KIAA1549L: variants seen among roughly 807,000 people sequenced by gnomAD.
KIAA1549L encodes KIAA1549 like, also known as UPF0606 protein KIAA1549L.
Under a neutral mutation model 160.7 loss-of-function variants are expected in KIAA1549L, and 88 were observed. The ratio of observed to expected loss-of-function variants is 0.55; its 90% CI spans 0.46 to 0.65. The LOEUF is 0.65. KIAA1549L is among the 30% of genes least tolerant of loss of function. The probability of loss-of-function intolerance (pLI) is 0.00; values close to 1 mark genes in which losing one functional copy is unlikely to be tolerated. For missense variants in KIAA1549L, 2,258 were observed against 2,437.5 expected (o/e 0.93, Z 1.55); for synonymous variants, 950 against 976.7 (o/e 0.97, Z 0.51).
At chr11:33,409,779 T>C (rs996687332) in intron 1 of KIAA1549L, among the ~76,000 whole-genome samples, 2 of 151,858 alleles carry the variant, frequency 1.3e-5, no homozygotes, top group Non-Finnish European at 2.9e-5. Flanking sequence ...TTTTTTTTTT[T>C]TTTTTCCTGC....
At chr11:33,528,863 G>A (rs758015448) in intron 1 of KIAA1549L, among the ~76,000 whole-genome samples, 1 of 152,208 alleles carries the variant, frequency 6.6e-6, no homozygotes, top group Admixed American at 6.5e-5. Flanking sequence ...AAGACTACAC[G>A]TTGGGTACAG....
chr11:33,455,948 G>A (rs1216047902), intron 1 of KIAA1549L, among the ~76,000 whole-genome samples: 1 of 152,116 alleles, frequency 6.6e-6, no homozygotes, highest in Non-Finnish European at 1.5e-5. Context: ...TAAATTACCC[G>A]GGGAGGAAGT....
At chr11:33,653,661 A>T (rs1228798592) in intron 17 of KIAA1549L, among the ~76,000 whole-genome samples, 1 of 152,126 alleles carries the variant, frequency 6.6e-6, no homozygotes, top group Non-Finnish European at 1.5e-5. Flanking sequence ...GCTTCTTCAA[A>T]TACTGCCTTG....
chr11:33,499,323 G>C (rs1292695707), intron 1 of KIAA1549L, among the ~76,000 whole-genome samples: 1 of 152,172 alleles, frequency 6.6e-6, no homozygotes, highest in Non-Finnish European at 1.5e-5. Flanking sequence ...GCGTGAGGTG[G>C]CATCCTTCAC....
intron 1 of KIAA1549L, among the ~76,000 whole-genome samples, chr11:33,427,887 A>G (rs1590236637): frequency 6.6e-6 from 1 of 152,234 alleles, no homozygotes; most frequent in Non-Finnish European, 1.5e-5. Flanking sequence ...CAATATGTGA[A>G]CTTAATTCAT....
chr11:33,491,049 G>A (rs1852646378), intron 1 of KIAA1549L, among the ~76,000 whole-genome samples: 1 of 152,184 alleles, frequency 6.6e-6, no homozygotes, highest in Non-Finnish European at 1.5e-5. Flanking sequence ...AATGGTATAA[G>A]TGTCTGTCTC....
rs1401825040 is a variant in KIAA1549L, at chr11:33,544,188, C to T, written c.2625C>T (p.Ile875=). 1 of 1,613,902 alleles carries T rather than the reference C, an allele frequency of 6.2e-7. No homozygotes were observed. The highest frequency in any genetic ancestry group is 2.2e-5 in the East Asian group (1 of 44,902). The part of the protein sequence containing the change: ...TDTGSEISSD[I]NSSPERNAST... Reference sequence around the variant, plus strand: ...CAGGTTCTGAAATTTCCAGTGACATCAATTCATCACCTGAGAGAAATGCTT... The same window carrying T: ...CAGGTTCTGAAATTTCCAGTGACATTAATTCATCACCTGAGAGAAATGCTT... Residue 875 remains isoleucine (I), a synonymous_variant, in exon 2 of 21, where the codon ATC becomes ATT. Transcript: ENST00000658780.
intron 16 of KIAA1549L, among the ~76,000 whole-genome samples, chr11:33,623,882 T>A (rs1219455054): frequency 6.6e-6 from 1 of 152,192 alleles, no homozygotes; most frequent in Admixed American, 6.5e-5. Flanking sequence ...TCAAGTGCTA[T>A]CTGCCTGCAT....
rs191707985 is a variant in KIAA1549L, at chr11:33,505,562, C to G, written c.239-36240C>G. ...CTCCACTCCTGCCCTGGCCTCTCCC[C>G]ATTTCCCTCTTACTATCTTCTGTTC... is the stretch of plus-strand genomic sequence containing the variant. On this transcript the variant is annotated intron_variant, in intron 1 of 20. Transcript: ENST00000658780. 7.9e-5 allele frequency among the ~76,000 whole-genome samples: 12 copies of G among 152,322 alleles called. No individual in the cohort carries two copies. The South Asian group carries it at 8.3e-4, about 11-fold the overall frequency.
intron 1 of KIAA1549L, among the ~76,000 whole-genome samples, chr11:33,480,619 G>A (rs565941588): frequency 2.6e-4 from 40 of 152,182 alleles, no homozygotes; most frequent in Non-Finnish European, 3.4e-4. Context: ...AAGCTACAAG[G>A]GGTTACCAGA....
At chr11:33,507,988 A>G (rs1017709478) in intron 1 of KIAA1549L, among the ~76,000 whole-genome samples, 2 of 152,194 alleles carry the variant, frequency 1.3e-5, no homozygotes, top group Admixed American at 6.5e-5. Context: ...ATCTTGAAGG[A>G]CTGGGCTGCC....
At chr11:33,665,795 G>A (rs1327566177) in intron 20 of KIAA1549L, among the ~76,000 whole-genome samples, 4 of 152,108 alleles carry the variant, frequency 2.6e-5, no homozygotes, top group Non-Finnish European at 5.9e-5. Flanking sequence ...ACCCCACTCA[G>A]AAATCAGAGC....
chr11:33,654,820 T>A (rs1564943777), intron 17 of KIAA1549L, among the ~76,000 whole-genome samples: 1 of 152,226 alleles, frequency 6.6e-6, no homozygotes, highest in Non-Finnish European at 1.5e-5. Context: ...CACACTGCAT[T>A]AAAAAGTAGG....
chr11:33,437,185 C>A (rs1195258142), intron 1 of KIAA1549L, among the ~76,000 whole-genome samples: 1 of 152,262 alleles, frequency 6.6e-6, no homozygotes, highest in Non-Finnish European at 1.5e-5. Context: ...ATTTCTAAAT[C>A]ATTTCAAACT....
chr11:33,430,009 CCCTTCCTT>C (rs762169127), intron 1 of KIAA1549L, among the ~76,000 whole-genome samples: 44 of 93,390 alleles, frequency 4.7e-4, no homozygotes, highest in African/African-American at 6.9e-4. Context: ...GCTCTGCCCT[CCCTTCCTT>C]CCTTCCTTCC....
intron 6 of KIAA1549L, among the ~76,000 whole-genome samples, chr11:33,558,014 G>A (rs1414684366): frequency 6.6e-6 from 1 of 152,130 alleles, no homozygotes; most frequent in African/African-American, 2.4e-5. Flanking sequence ...CCTGGGTGAT[G>A]GATTTCCTAA....
chr11:33,628,255 T>C (rs1851175843), intron 16 of KIAA1549L, among the ~76,000 whole-genome samples: 3 of 152,172 alleles, frequency 2.0e-5, no homozygotes, highest in Non-Finnish European at 4.4e-5. Context: ...AAAAAATGTA[T>C]ATTCTGTTGA....
At chr11:33,397,943 TGAGATA>T (rs1850420183) in intron 1 of KIAA1549L, among the ~76,000 whole-genome samples, 1 of 147,560 alleles carries the variant, frequency 6.8e-6, no homozygotes, top group Non-Finnish European at 1.5e-5. Context: ...TTTCTTTTTT[TGAGATA>T]GAGTCTTATG....
chr11:33,464,721 C>A (rs142170070), intron 1 of KIAA1549L, among the ~76,000 whole-genome samples: 1 of 152,186 alleles, frequency 6.6e-6, no homozygotes, highest in Non-Finnish European at 1.5e-5. Flanking sequence ...AATCATTTTC[C>A]TGCTTAAAAC....
Sources: allele counts gnomAD v4.1 joint callset (sites outside exome capture counted in the v4.1 genomes callset), GRCh38; gene constraint gnomAD v4.1.1; transcripts MANE v1.5; gene names NCBI Gene and HGNC (gene_info 2026-07-23, HGNC 2026-07-21).